SFXN5: variants seen among roughly 807,000 people sequenced by gnomAD.
SFXN5 encodes sideroflexin-5.
Under a neutral mutation model 50.2 loss-of-function variants are expected in SFXN5, and 43 were observed. That is an observed-to-expected ratio of 0.86 (90% CI 0.67 to 1.11). The LOEUF (loss-of-function observed/expected upper bound fraction) is 1.11. SFXN5 is among the 50% of genes least tolerant of loss of function. The pLI is 0.00. For missense variants in SFXN5, 463 were observed against 454.1 expected (o/e 1.02, Z -0.18); for synonymous variants, 203 against 185.8 (o/e 1.09, Z -0.75).
intron 13 of SFXN5, among the ~76,000 whole-genome samples, chr2:72,954,999 T>G (rs760838352): frequency 1.2e-4 from 18 of 152,088 alleles, no homozygotes; most frequent in Admixed American, 4.6e-4. Flanking sequence ...ATATGGAGAG[T>G]TGAGGTAGAG....
chr2:73,012,956 G>T (rs1485602924), intron 6 of SFXN5, among the ~76,000 whole-genome samples: 1 of 151,996 alleles, frequency 6.6e-6, no homozygotes, highest in African/African-American at 2.4e-5. Flanking sequence ...TATGACAGAT[G>T]AATGGTAAGT....
At chr2:73,059,873 T>C in intron 1 of SFXN5, 1 of 936,744 alleles carries the variant, frequency 1.1e-6, no homozygotes, top group Non-Finnish European at 1.3e-6. Flanking sequence ...AAAGATCTGG[T>C]CAGGTGTACA....
At chr2:73,014,477 C>A (rs1421532748) in intron 6 of SFXN5, among the ~76,000 whole-genome samples, 3 of 152,100 alleles carry the variant, frequency 2.0e-5, no homozygotes, top group Non-Finnish European at 4.4e-5. Flanking sequence ...TAGGGTGAGT[C>A]CTCTCCCACC....
chr2:73,061,245 T>C (rs913367300), intron 1 of SFXN5, among the ~76,000 whole-genome samples: 1 of 150,576 alleles, frequency 6.6e-6, no homozygotes, highest in African/African-American at 2.5e-5. Context: ...GAGGTGGAGG[T>C]TGCAGCGAGC....
intron 12 of SFXN5, among the ~76,000 whole-genome samples, chr2:72,967,769 G>A (rs1394717156): frequency 6.6e-6 from 1 of 151,938 alleles, no homozygotes; most frequent in Non-Finnish European, 1.5e-5. Context: ...CCTGCCCCCT[G>A]CCTTCTCCCA....
At chr2:73,045,643 C>T (rs1425820931) in intron 2 of SFXN5, among the ~76,000 whole-genome samples, 2 of 151,986 alleles carry the variant, frequency 1.3e-5, no homozygotes, top group Non-Finnish European at 1.5e-5. Context: ...TCTCACTGGG[C>T]CAATCTTGCA....
At chr2:73,050,039 C>T (rs1255406447) in intron 2 of SFXN5, 2 of 151,774 alleles carry the variant, frequency 1.3e-5, no homozygotes, top group Non-Finnish European at 2.9e-5. Context: ...AAACAACATT[C>T]GATCTTGAGA....
chr2:73,022,863 T>A (rs1677074959), intron 4 of SFXN5, among the ~76,000 whole-genome samples: 1 of 152,158 alleles, frequency 6.6e-6, no homozygotes, highest in South Asian at 2.1e-4. Context: ...CAAAAGTCCA[T>A]GGGGAACGGG....
At chr2:72,951,052 G>A (rs1278728560) in intron 13 of SFXN5, among the ~76,000 whole-genome samples, 1 of 151,974 alleles carries the variant, frequency 6.6e-6, no homozygotes, top group Admixed American at 6.5e-5. Context: ...GGGAGGGGGT[G>A]TCTGGGATGG....
chr2:73,017,931 A>G (rs1676376637), intron 6 of SFXN5, among the ~76,000 whole-genome samples: 1 of 152,196 alleles, frequency 6.6e-6, no homozygotes, highest in African/African-American at 2.4e-5. Flanking sequence ...AGAGTACTGT[A>G]CAGACAAATC....
chr2:72,971,106 C>T (rs1445302283), intron 11 of SFXN5, among the ~76,000 whole-genome samples: 1 of 152,222 alleles, frequency 6.6e-6, no homozygotes, highest in African/African-American at 2.4e-5. Flanking sequence ...ATCCCTTGAC[C>T]TCACGGCACT....
At chr2:73,064,673 C>T (rs1683050061) in intron 1 of SFXN5, among the ~76,000 whole-genome samples, 1 of 152,218 alleles carries the variant, frequency 6.6e-6, no homozygotes, top group South Asian at 2.1e-4. Flanking sequence ...GCTCTCCATA[C>T]CCCAGAGGGA....
chr2:72,947,768 T>G (rs1442268044), intron 13 of SFXN5, among the ~76,000 whole-genome samples: 1 of 152,046 alleles, frequency 6.6e-6, no homozygotes, highest in African/African-American at 2.4e-5. Context: ...AGAGCCAGGC[T>G]GAGGGCCCAG....
intron 12 of SFXN5, among the ~76,000 whole-genome samples, chr2:72,965,890 G>GC (rs1399984640): frequency 3.9e-5 from 6 of 152,158 alleles, no homozygotes; most frequent in African/African-American, 9.6e-5. Flanking sequence ...TTCACACCCC[G>GC]CCCCCCGCCT....
rs1670227282 is a variant in SFXN5, at chr2:72,973,143, ACT to A, written c.626-1460_626-1459del. The A allele has an allele frequency of 6.6e-6, 1 of 152,232 alleles. No homozygotes were observed. The highest frequency in any genetic ancestry group is 1.5e-5 in the Non-Finnish European group (1 of 68,064). 9.4% of individuals were successfully genotyped at this position (152,232 alleles called of 1,614,324 possible). ...GGAATAAACAGGGGAAGACCGAGAG[ACT>A]CTGCAGTCTTTGGAGAAGAAAAGCA... On this transcript the variant is annotated intron_variant, in intron 10 of 13. Transcript: ENST00000272433. The surrounding 1 kb of genome is among the most constrained non-coding windows in gnomAD (Gnocchi z 5.5).
intron 1 of SFXN5, among the ~76,000 whole-genome samples, chr2:73,063,753 G>A (rs550734963): frequency 2.0e-5 from 3 of 152,244 alleles, no homozygotes; most frequent in South Asian, 2.1e-4. Context: ...AAGGTTGTTC[G>A]ATACTTTATA....
intron 4 of SFXN5, among the ~76,000 whole-genome samples, 161 bp downstream of exon 4, chr2:73,023,027 C>A (rs1677094623): frequency 6.6e-6 from 1 of 152,122 alleles, no homozygotes; most frequent in Non-Finnish European, 1.5e-5. Flanking sequence ...GAGACTCTGG[C>A]CCTTGAGTGT....
At position 73,040,759 on chromosome 2, in the gene SFXN5, C is replaced by T. The variant is rs140004340; in HGVS notation, c.249+95G>A. The T allele has an allele frequency of 3.7e-5, 37 of 992,016 alleles. No individual in the cohort carries two copies. The East Asian group carries it at 5.0e-4, about 14-fold the overall frequency. 61.5% of individuals were successfully genotyped at this position (992,016 alleles called of 1,614,324 possible). On this transcript the variant is annotated intron_variant, in intron 3 of 13. Transcript: ENST00000272433. ...TGTACCAGCAGAAGTATATGCTGGACGAAAGAAGTGGTTCTGGCTGCAGCG... is the reference window on the plus strand; with the variant it reads ...TGTACCAGCAGAAGTATATGCTGGATGAAAGAAGTGGTTCTGGCTGCAGCG...
At chr2:73,012,486 G>A (rs545755696) in intron 6 of SFXN5, among the ~76,000 whole-genome samples, 83 of 151,690 alleles carry the variant, frequency 5.5e-4, no homozygotes, top group African/African-American at 1.9e-3. Flanking sequence ...AATATCAAAC[G>A]ATTCCAGGGG....
Sources: gnomAD v4.1 joint callset for allele counts (sites outside exome capture counted in the v4.1 genomes callset) on GRCh38, gnomAD v4.1.1 for gene constraint, Gnocchi (gnomAD v3.1) non-coding constraint, MANE v1.5 for transcripts, NCBI Gene and HGNC (gene_info 2026-07-23, HGNC 2026-07-21) for gene names.